Variants in PPP1R9A observed in about 807,000 individuals in gnomAD.
The protein encoded by PPP1R9A is neurabin-1.
A neutral mutation model predicts 141.9 loss-of-function variants in PPP1R9A; 59 were observed. The ratio of observed to expected loss-of-function variants is 0.42; its 90% CI spans 0.34 to 0.52. PPP1R9A has a LOEUF of 0.52. Ranked by LOEUF, PPP1R9A falls within the 20% of genes least tolerant of loss-of-function variation. PPP1R9A has a pLI of 0.10. For missense variants in PPP1R9A, 1,444 were observed against 1,611.9 expected (o/e 0.90, Z 1.78); for synonymous variants, 500 against 569.7 (o/e 0.88, Z 1.74).
rs138222077 is a variant in PPP1R9A, at chr7:95,276,143, C to T, written c.3296+1975C>T. Among the ~76,000 whole-genome samples, 231 of 152,222 alleles carry T rather than the reference C, an allele frequency of 1.5e-3. 1 individual carries two copies. The highest frequency in any genetic ancestry group is 5.2e-3 in the African/African-American group (216 of 41,556). ...ACATGATGGGAGAGAAACTCAGATA[C>T]TGAAAATGACACTGTCCTTCCTTTG... On this transcript the variant is annotated intron_variant, in intron 16 of 19. Coordinates refer to ENST00000433360, the MANE Select transcript of PPP1R9A (RefSeq NM_001166160.2).
At chr7:95,277,550 CT>C (rs1239960777) in intron 16 of PPP1R9A, among the ~76,000 whole-genome samples, 1 of 152,096 alleles carries the variant, frequency 6.6e-6, no homozygotes, top group Non-Finnish European at 1.5e-5. Context: ...TCAGCTCAGC[CT>C]TCTGAGTACC....
intron 4 of PPP1R9A, among the ~76,000 whole-genome samples, chr7:95,135,087 A>G (rs939773245): frequency 6.6e-6 from 1 of 152,116 alleles, no homozygotes; most frequent in Admixed American, 6.6e-5. Flanking sequence ...TATTTTATTC[A>G]TACCTTTCTT....
intron 12 of PPP1R9A, among the ~76,000 whole-genome samples, chr7:95,253,716 GT>G (rs894468645): frequency 6.3e-4 from 96 of 152,130 alleles, no homozygotes; most frequent in African/African-American, 2.2e-3. Context: ...AGCCAAAAAA[GT>G]AATTTATTTG....
chr7:94,951,918 A>AT (rs1419244126), intron 2 of PPP1R9A, among the ~76,000 whole-genome samples: 2 of 151,734 alleles, frequency 1.3e-5, no homozygotes, highest in Non-Finnish European at 2.9e-5. Context: ...CTTTAAAACC[A>AT]TTTTTTGGAG....
Position 95,111,354 on chromosome 7 carries a change from A to G in PPP1R9A, c.1491A>G (p.Val497=), listed in dbSNP as rs1020063973. 11 of 1,613,756 alleles carry G rather than the reference A, an allele frequency of 6.8e-6. No homozygotes were observed. Among genetic ancestry groups the G allele is most frequent in the African/African-American group, 6.7e-5 (5 of 74,924 alleles). ...ASAEYELEKR[V]EKLELFPVEL... ...CTGAGTATGAACTTGAAAAACGTGT[A>G]GAAAAGCTGGAACTTTTCCCAGTGG... Residue 497 remains valine (V), a synonymous_variant, in exon 3 of 20, where the codon GTA becomes GTG. Transcript: ENST00000433360.
At chr7:95,127,210 T>G (rs750254071) in intron 4 of PPP1R9A, among the ~76,000 whole-genome samples, 2 of 152,178 alleles carry the variant, frequency 1.3e-5, no homozygotes, top group Admixed American at 1.3e-4. Context: ...ATTTTCAAAT[T>G]TTTTCTTTAA....
chr7:95,087,452 A>G (rs1241767470), intron 2 of PPP1R9A, among the ~76,000 whole-genome samples: 1 of 152,038 alleles, frequency 6.6e-6, no homozygotes, highest in Non-Finnish European at 1.5e-5. Flanking sequence ...TGGAATCTCT[A>G]ATATGGGTCA....
At chr7:95,191,618 C>A (rs1191369782) in intron 5 of PPP1R9A, among the ~76,000 whole-genome samples, 1 of 151,980 alleles carries the variant, frequency 6.6e-6, no homozygotes, top group African/African-American at 2.4e-5. Context: ...CAATAAAAAA[C>A]CATGCTAAAA....
chr7:94,991,232 G>A (rs988316272), intron 2 of PPP1R9A, among the ~76,000 whole-genome samples: 3 of 152,096 alleles, frequency 2.0e-5, no homozygotes, highest in African/African-American at 7.2e-5. Context: ...ATTTTAGAAT[G>A]AGATAATACC....
rs192755280 is a variant in PPP1R9A at position 95,201,201 on chromosome 7, A to T, written c.1891-2464A>T. 7.8e-3 allele frequency among the ~76,000 whole-genome samples: 1,178 copies of T among 151,436 alleles called. 14 individuals are homozygous for T. Among genetic ancestry groups the T allele is most frequent in the African/African-American group, 0.027 (1,118 of 40,902 alleles). On this transcript the variant is annotated intron_variant, in intron 6 of 19. Transcript: ENST00000433360. ...AAGAGAAGAATAATTGAGTACTCAAATTTTTTTTAATTAGTTTAGCTTTAA... is the reference window on the plus strand; with the variant it reads ...AAGAGAAGAATAATTGAGTACTCAATTTTTTTTTAATTAGTTTAGCTTTAA...
chr7:95,126,597 A>C (rs1195758138), intron 4 of PPP1R9A, among the ~76,000 whole-genome samples: 1 of 152,182 alleles, frequency 6.6e-6, no homozygotes, highest in African/African-American at 2.4e-5. Context: ...TATCCTGGAA[A>C]ACTTTGGAAA....
intron 2 of PPP1R9A, among the ~76,000 whole-genome samples, chr7:95,025,123 A>G (rs939006926): frequency 1.3e-5 from 2 of 151,758 alleles, no homozygotes; most frequent in African/African-American, 2.4e-5. Context: ...CTTGAGTGCA[A>G]TGGCATGATC....
At chr7:94,977,006 G>A (rs896601682) in intron 2 of PPP1R9A, among the ~76,000 whole-genome samples, 6 of 152,120 alleles carry the variant, frequency 3.9e-5, no homozygotes, top group African/African-American at 1.4e-4. Context: ...ATTGGCTATG[G>A]TATATGAGAG....
chr7:95,278,504 T>C (rs770882795), intron 16 of PPP1R9A, among the ~76,000 whole-genome samples: 6 of 152,182 alleles, frequency 3.9e-5, no homozygotes, highest in Non-Finnish European at 8.8e-5. Flanking sequence ...TCTTTTTGGA[T>C]AGTGTTGATC....
chr7:95,266,664 G>A (rs894337153), intron 12 of PPP1R9A, among the ~76,000 whole-genome samples: 5 of 152,048 alleles, frequency 3.3e-5, no homozygotes, highest in African/African-American at 1.2e-4. Flanking sequence ...CTGTTGTAAG[G>A]AACAAATGAG....
chr7:95,151,941 C>CTTGTTTTTTTTT (rs1828754591), intron 4 of PPP1R9A, among the ~76,000 whole-genome samples: 1 of 54,446 alleles, frequency 1.8e-5, no homozygotes, highest in African/African-American at 7.7e-5. Context: ...TACTGAGAAT[C>CTTGTTTTTTTTT]TTTTTTTTTT....
chr7:95,065,195 A>G (rs555803105), intron 2 of PPP1R9A, among the ~76,000 whole-genome samples: 157 of 152,188 alleles, frequency 1.0e-3, no homozygotes, highest in Middle Eastern at 3.4e-3. Flanking sequence ...CCTCCTGAGT[A>G]GCTGTGACTA....
At chr7:95,100,884 G>A (rs1272211014) in intron 2 of PPP1R9A, among the ~76,000 whole-genome samples, 1 of 116,094 alleles carries the variant, frequency 8.6e-6, no homozygotes, top group Non-Finnish European at 1.6e-5. Context: ...ACGGAGTCTC[G>A]CTCTGTCGCC....
chr7:95,085,036 T>G (rs1440815699), intron 2 of PPP1R9A, among the ~76,000 whole-genome samples: 1 of 152,030 alleles, frequency 6.6e-6, no homozygotes, highest in Non-Finnish European at 1.5e-5. Context: ...CTCACATGAT[T>G]TACTAGTTCC....
Sources: gnomAD v4.1 joint callset for allele counts (sites outside exome capture counted in the v4.1 genomes callset) on GRCh38, gnomAD v4.1.1 for gene constraint, MANE v1.5 for transcripts, NCBI Gene and HGNC (gene_info 2026-07-23, HGNC 2026-07-21) for gene names.